Variants in CSMD1 observed in about 807,000 individuals in gnomAD.
The protein encoded by CSMD1 is CUB and sushi domain-containing protein 1.
A neutral mutation model predicts 417.5 loss-of-function variants in CSMD1; 213 were observed. The ratio of observed to expected loss-of-function variants is 0.51; its 90% CI spans 0.46 to 0.57. CSMD1 has a LOEUF of 0.57. Among genes scored for constraint, CSMD1 ranks in the 20% least tolerant of loss-of-function variants. CSMD1 has a pLI of 0.00. For synonymous variants in CSMD1, 2,862 were observed against 1,736.8 expected (o/e 1.65, Z -16.11); for missense variants, 6,923 against 4,529.7 (o/e 1.53, Z -15.17).
chr8:3,310,118 A>T (rs1805209089), intron 23 of CSMD1, among the ~76,000 whole-genome samples: 1 of 152,218 alleles, frequency 6.6e-6, no homozygotes, highest in African/African-American at 2.4e-5. Context: ...GGTAGAAATT[A>T]GGGGGATGGT....
At position 3,856,974 on chromosome 8, in the gene CSMD1, A is replaced by C. The variant is rs551048586; in HGVS notation, c.819-102932T>G. ...GTACAAAGAATCAAGTAGAATTTGG[A>C]ATTTTTTTTATTTGCACAGAGAAAT... On this transcript the variant is annotated intron_variant, in intron 5 of 69. Coordinates refer to ENST00000635120, the MANE Select transcript of CSMD1 (RefSeq NM_033225.6). 2.6e-5 allele frequency among the ~76,000 whole-genome samples: 4 copies of C among 151,540 alleles called. No individual in the cohort carries two copies. In the East Asian group the frequency reaches 8.0e-4, roughly 30 times the overall value.
intron 1 of CSMD1, among the ~76,000 whole-genome samples, chr8:4,921,080 G>C (rs540890726): frequency 1.2e-4 from 18 of 146,144 alleles, no homozygotes; most frequent in East Asian, 9.9e-4. Flanking sequence ...GAAAGAAAAA[G>C]AAAGAAAGAA....
chr8:4,994,091 C>G (rs1246177832), intron 1 of CSMD1, among the ~76,000 whole-genome samples: 2 of 152,014 alleles, frequency 1.3e-5, no homozygotes, highest in African/African-American at 4.8e-5. Flanking sequence ...AAAGAGATCT[C>G]TCCTGTGAGC....
intron 5 of CSMD1, among the ~76,000 whole-genome samples, chr8:3,787,083 G>A (rs981369823): frequency 2.0e-5 from 3 of 152,090 alleles, no homozygotes; most frequent in African/African-American, 7.2e-5. Context: ...TGTTTACAGA[G>A]GGTTAAACCA....
chr8:3,980,831 C>T (rs1813805669), intron 5 of CSMD1, among the ~76,000 whole-genome samples: 1 of 152,182 alleles, frequency 6.6e-6, no homozygotes, highest in African/African-American at 2.4e-5. Flanking sequence ...TCCCCACTCC[C>T]AGCAGTTGGC....
intron 11 of CSMD1, among the ~76,000 whole-genome samples, chr8:3,476,899 C>T (rs1410954827): frequency 5.2e-4 from 52 of 99,972 alleles, no homozygotes; most frequent in African/African-American, 1.7e-3. Context: ...AGCAACAGAG[C>T]GAAACTCCGC....
rs116080736 is a variant in CSMD1 at position 4,358,526 on chromosome 8, G to A, written c.415+61427C>T. ...GCGATACCAGCAGAGCTCCGCAGAT[G>A]CAGAGGTGACGATATGGCCTACAAA... On this transcript the variant is annotated intron_variant, in intron 3 of 69. Transcript: ENST00000635120. Among the ~76,000 whole-genome samples, 642 of 152,320 alleles carry A rather than the reference G, an allele frequency of 4.2e-3. 6 individuals carry two copies. Among genetic ancestry groups the A allele is most frequent in the African/African-American group, 0.014 (583 of 41,570 alleles).
intron 2 of CSMD1, among the ~76,000 whole-genome samples, chr8:4,436,282 TGTG>T (rs760535134): frequency 1.3e-5 from 2 of 152,174 alleles, no homozygotes; most frequent in Admixed American, 1.3e-4. Flanking sequence ...CACCTTGTAT[TGTG>T]GTGTTTTTTT....
chr8:4,293,361 G>A (rs1181391795), intron 3 of CSMD1, among the ~76,000 whole-genome samples: 1 of 152,154 alleles, frequency 6.6e-6, no homozygotes, highest in Non-Finnish European at 1.5e-5. Flanking sequence ...TTACTAGTAA[G>A]TCCAATCTAA....
intron 5 of CSMD1, among the ~76,000 whole-genome samples, chr8:3,842,129 A>G (rs1468989163): frequency 1.3e-5 from 2 of 152,250 alleles, no homozygotes; most frequent in African/African-American, 2.4e-5. Context: ...TTCAACCCCG[A>G]TCTCTTCTCC....
chr8:4,249,666 G>C (rs943896999), intron 3 of CSMD1, among the ~76,000 whole-genome samples: 2 of 152,162 alleles, frequency 1.3e-5, no homozygotes, highest in Non-Finnish European at 2.9e-5. Flanking sequence ...AGAGCTGCCA[G>C]CTCTCTTCTC....
chr8:3,488,323 G>C (rs918950709), intron 11 of CSMD1, among the ~76,000 whole-genome samples: 5 of 152,104 alleles, frequency 3.3e-5, no homozygotes, highest in East Asian at 1.9e-4. Flanking sequence ...GCCCAGGTTG[G>C]TCTCAAACTT....
intron 6 of CSMD1, among the ~76,000 whole-genome samples, chr8:3,730,034 G>T (rs111850135): frequency 0.015 from 2,264 of 146,512 alleles, 31 homozygotes; most frequent in South Asian, 0.04. Flanking sequence ...TCGAAGCGCT[G>T]CAAGTGTTTC....
intron 25 of CSMD1, among the ~76,000 whole-genome samples, chr8:3,301,201 A>T (rs1394576438): frequency 6.8e-6 from 1 of 148,032 alleles, no homozygotes; most frequent in Admixed American, 6.6e-5. Flanking sequence ...TTAAAATAAA[A>T]CAAACCATAT....
At chr8:3,140,047 C>A (rs892842494) in intron 41 of CSMD1, among the ~76,000 whole-genome samples, 1 of 151,802 alleles carries the variant, frequency 6.6e-6, no homozygotes, top group Non-Finnish European at 1.5e-5. Context: ...GGATTACAGG[C>A]GCCTGCCATC....
Position 3,387,750 on chromosome 8 carries a change from G to T in CSMD1, c.2594-68C>A, listed in dbSNP as rs1045643287. On this transcript the variant is annotated intron_variant, in intron 17 of 69. Transcript: ENST00000635120. ...TTGATTGAAAATAATAGAGACCCAC[G>T]CCATCAACTACGAAATAGTCTCAGA... is the stretch of plus-strand genomic sequence containing the variant. 3.0e-5 allele frequency: 38 copies of T among 1,247,394 alleles called. No individual in the cohort carries two copies. In the Admixed American group the frequency reaches 3.8e-4, roughly 12 times the overall value. 77.3% of individuals were successfully genotyped at this position (1,247,394 alleles called of 1,614,324 possible).
At position 3,303,716 on chromosome 8, in the gene CSMD1, C is replaced by T. The variant is rs17320077; in HGVS notation, c.3950+3979G>A. Among the ~76,000 whole-genome samples, 844 of 152,230 alleles carry T rather than the reference C, an allele frequency of 5.5e-3. 4 individuals are homozygous for T. Among genetic ancestry groups the T allele is most frequent in the Non-Finnish European group, 7.4e-3 (500 of 68,020 alleles). ...GCTGAAGAAGTTTATAATGCTGTTA[C>T]TTTTGTTACATAAAGCAAAGCATGG... On this transcript the variant is annotated intron_variant, in intron 25 of 69. Transcript: ENST00000635120.
chr8:4,546,943 A>G (rs137907542), intron 2 of CSMD1, among the ~76,000 whole-genome samples: 260 of 152,142 alleles, frequency 1.7e-3, no homozygotes, highest in African/African-American at 5.8e-3. Flanking sequence ...CTCTGCCCCT[A>G]CAGGATAGCC....
chr8:4,624,116 T>G (rs547844034), intron 2 of CSMD1, among the ~76,000 whole-genome samples: 1 of 152,258 alleles, frequency 6.6e-6, no homozygotes, highest in South Asian at 2.1e-4. Context: ...GGGCTCTCTG[T>G]ATACCAAAAT....
Sources: gnomAD v4.1 joint callset for allele counts (sites outside exome capture counted in the v4.1 genomes callset) on GRCh38, gnomAD v4.1.1 for gene constraint, MANE v1.5 for transcripts, NCBI Gene and HGNC (gene_info 2026-07-23, HGNC 2026-07-21) for gene names.